GLDN: variants seen among roughly 807,000 people sequenced by gnomAD.
The protein encoded by GLDN is collomin.
Under a neutral mutation model 56.5 loss-of-function variants are expected in GLDN, and 47 were observed. That is an observed-to-expected ratio of 0.83 (90% CI 0.66 to 1.06). The LOEUF (loss-of-function observed/expected upper bound fraction) is 1.06, where lower values mean the gene tolerates loss of function less well. GLDN is among the 50% of genes least tolerant of loss of function. GLDN has a pLI of 0.00. For synonymous variants in GLDN, 332 were observed against 278.8 expected, an observed-to-expected ratio of 1.19 and a Z score of -1.90; for missense variants, 782 against 714.3, an observed-to-expected ratio of 1.09 and a Z score of -1.08.
intron 1 of GLDN, among the ~76,000 whole-genome samples, chr15:51,365,561 C>T (rs2037384513): frequency 6.6e-6 from 1 of 152,074 alleles, no homozygotes; most frequent in African/African-American, 2.4e-5. Flanking sequence ...ATTTTACAGA[C>T]AGGTCATCGA....
At chr15:51,351,091 A>C (rs1452507995) in intron 1 of GLDN, 2 of 272,028 alleles carry the variant, frequency 7.4e-6, no homozygotes, top group African/African-American at 4.5e-5. Flanking sequence ...ATAAAACAAA[A>C]GATGACACTT....
intron 1 of GLDN, among the ~76,000 whole-genome samples, chr15:51,352,235 G>A (rs1041535649): frequency 1.3e-5 from 2 of 151,634 alleles, no homozygotes; most frequent in African/African-American, 2.4e-5. Flanking sequence ...AGCTCTCTGG[G>A]GCCTCATTTT....
chr15:51,412,023 G>T (rs949849497), downstream of GLDN, among the ~76,000 whole-genome samples: 2 of 152,228 alleles, frequency 1.3e-5, no homozygotes, highest in Non-Finnish European at 2.9e-5. Context: ...ATACTATGGT[G>T]GTGGCAACAT....
At chr15:51,395,170 G>A (rs2038100183) in intron 5 of GLDN, among the ~76,000 whole-genome samples, 189 bp downstream of exon 5, 2 of 152,208 alleles carry the variant, frequency 1.3e-5, no homozygotes, top group Non-Finnish European at 2.9e-5. Flanking sequence ...CATGTGGCAA[G>A]ACCAGATCTG....
chr15:51,368,305 C>T (rs1381335614), intron 1 of GLDN, among the ~76,000 whole-genome samples: 1 of 152,030 alleles, frequency 6.6e-6, no homozygotes, highest in African/African-American at 2.4e-5. Flanking sequence ...AGCGTAACAG[C>T]GAAAAAGTGA....
In GLDN at chr15:51,341,748, G is replaced by A; in HGVS notation, c.64G>A (p.Ala22Thr). Residue 22 changes from alanine to threonine, a missense_variant, in exon 1 of 10, where the codon GCC becomes ACC. Coordinates refer to ENST00000335449, the MANE Select transcript of GLDN (RefSeq NM_181789.4). ...AGWGLRGALA[A>T]VALLSALNAA... ...TTGGGGCCTGCGTGGCGCCCTGGCG[G>A]CCGTGGCGCTGCTCTCGGCGCTCAA... 2 of 1,470,176 alleles carry A rather than the reference G, an allele frequency of 1.4e-6. No homozygotes were observed. Among genetic ancestry groups the A allele is most frequent in the Non-Finnish European group, 8.9e-7 (1 of 1,122,746 alleles). The allele number at this position is 1,470,176 out of a possible 1,614,324, so 91.1% of individuals were successfully genotyped here. A position where few individuals can be genotyped will look rare whatever the true frequency, so the allele number is the denominator to read the frequency against.
At chr15:51,401,474 G>C (rs2038247744) in intron 8 of GLDN, 119 bp from the exon 9 acceptor site, 2 of 841,072 alleles carry the variant, frequency 2.4e-6, no homozygotes, top group Non-Finnish European at 3.9e-6. Flanking sequence ...ACTGGACAAG[G>C]GACCTTAGGG....
At chr15:51,377,411 G>T in intron 1 of GLDN, 38 bp from the exon 2 acceptor site, 2 of 1,571,332 alleles carry the variant, frequency 1.3e-6, no homozygotes, top group Non-Finnish European at 1.8e-6. Flanking sequence ...AGGGCCTGCT[G>T]CCCACTGTCT....
intron 1 of GLDN, among the ~76,000 whole-genome samples, chr15:51,369,667 T>A (rs915756406): frequency 6.6e-6 from 1 of 152,238 alleles, no homozygotes; most frequent in Non-Finnish European, 1.5e-5. Flanking sequence ...GAGAAAGACA[T>A]GCTTTTGATT....
Position 51,400,196 on chromosome 15 carries a change from G to T in GLDN, c.822G>T (p.Glu274Asp). ...PSMFNGQCPG[E>D]TCAIPNDDTL... ...TGATTATTGTTGTCATTTTAGGTGAGACTTGTGCCATACCAAATGATGATA... is the reference window on the plus strand; with the variant it reads ...TGATTATTGTTGTCATTTTAGGTGATACTTGTGCCATACCAAATGATGATA... Residue 274 changes from glutamate to aspartate, a missense_variant, in exon 7 of 10, where the codon GAG becomes GAT. Glu to Asp is a conservative substitution (Grantham distance 45). Coordinates refer to ENST00000335449, the MANE Select transcript of GLDN (RefSeq NM_181789.4). 3 of 1,614,016 alleles carry T rather than the reference G, an allele frequency of 1.9e-6. No individual in the cohort carries two copies. The highest frequency in any genetic ancestry group is 2.5e-6 in the Non-Finnish European group (3 of 1,179,908).
intron 1 of GLDN, among the ~76,000 whole-genome samples, chr15:51,365,964 C>T (rs77213938): frequency 0.015 from 2,210 of 152,240 alleles, 50 homozygotes; most frequent in African/African-American, 0.051. Context: ...AACAATTGTC[C>T]AGAATAAGTT....
intron 9 of GLDN, among the ~76,000 whole-genome samples, chr15:51,402,739 G>A (rs1440582711): frequency 6.6e-6 from 1 of 152,174 alleles, no homozygotes; most frequent in Non-Finnish European, 1.5e-5. Context: ...TTAGAATGGG[G>A]CGAGTTTCCT....
chr15:51,352,360 C>T (rs1291672449), intron 1 of GLDN, among the ~76,000 whole-genome samples: 1 of 152,160 alleles, frequency 6.6e-6, no homozygotes, highest in Non-Finnish European at 1.5e-5. Flanking sequence ...TCCCCACCTC[C>T]TAATATCATC....
chr15:51,401,971 C>A (rs117883632), intron 9 of GLDN, among the ~76,000 whole-genome samples: 1,624 of 152,258 alleles, frequency 0.011, 14 homozygotes, highest in Admixed American at 0.022. Context: ...TCTGGACAGC[C>A]CGAGGAAGGT....
At position 51,394,920 on chromosome 15, in the gene GLDN, A is replaced by C. The variant is rs571342429; in HGVS notation, c.627A>C (p.Pro209=). The C allele has an allele frequency of 9.9e-6, 16 of 1,612,862 alleles. No individual in the cohort carries two copies. The East Asian group carries it at 3.6e-4, about 36-fold the overall frequency. The change falls in exon 5 of 10, where the codon CCA becomes CCC. Residue 209 remains proline (P), a synonymous_variant. Coordinates refer to ENST00000335449, the MANE Select transcript of GLDN (RefSeq NM_181789.4). ...TGGGCCTGCAGGGAAATGAGGGCCC[A>C]CCAGGGCAGAAGGGAGAAAAGGGTG... is the stretch of plus-strand genomic sequence containing the variant. The part of the protein sequence containing the change: ...GELGLQGNEG[P]PGQKGEKGDK...
intron 1 of GLDN, among the ~76,000 whole-genome samples, chr15:51,374,185 A>G (rs1195691354): frequency 6.6e-6 from 1 of 152,218 alleles, no homozygotes; most frequent in Non-Finnish European, 1.5e-5. Context: ...CCTGCCCCAG[A>G]TCAGTGATTA....
At chr15:51,346,081 T>G (rs1206257514) in intron 1 of GLDN, among the ~76,000 whole-genome samples, 1 of 152,200 alleles carries the variant, frequency 6.6e-6, no homozygotes, top group Non-Finnish European at 1.5e-5. Context: ...AAATAGTATG[T>G]TTTTGGATAG....
chr15:51,374,085 C>A (rs538480217), intron 1 of GLDN, among the ~76,000 whole-genome samples: 1 of 152,162 alleles, frequency 6.6e-6, no homozygotes, highest in Non-Finnish European at 1.5e-5. Flanking sequence ...ACATAATTTA[C>A]TGGTAAATAT....
intron 9 of GLDN, among the ~76,000 whole-genome samples, chr15:51,403,898 C>A (rs780465602): frequency 6.6e-6 from 1 of 152,098 alleles, no homozygotes; most frequent in Non-Finnish European, 1.5e-5. Context: ...TTTTACAGCC[C>A]CCTTGCAGCT....
Sources: gnomAD v4.1 joint callset for allele counts (sites outside exome capture counted in the v4.1 genomes callset) on GRCh38, gnomAD v4.1.1 for gene constraint, MANE v1.5 for transcripts, NCBI Gene and HGNC (gene_info 2026-07-23, HGNC 2026-07-21) for gene names.